ICA1: variants seen among roughly 807,000 people sequenced by gnomAD.
ICA1 encodes 69 kDa islet cell autoantigen.
In ICA1, 40 loss-of-function variants were observed where a neutral mutation model predicts 71.0. That is an observed-to-expected ratio of 0.56 (90% CI 0.44 to 0.73). ICA1 has a LOEUF of 0.73. Ranked by LOEUF, ICA1 falls within the 30% of genes least tolerant of loss-of-function variation. The probability of loss-of-function intolerance (pLI) is 0.00; values close to 1 mark genes in which losing one functional copy is unlikely to be tolerated. For synonymous variants in ICA1, 207 were observed against 209.5 expected (o/e 0.99, Z 0.10); for missense variants, 578 against 576.5 (o/e 1.00, Z -0.03).
Position 8,130,592 on chromosome 7 carries a change from G to A in ICA1, c.1061-2450C>T, listed in dbSNP as rs1175647407. Among the ~76,000 whole-genome samples, 1 of 152,202 alleles carries A rather than the reference G, an allele frequency of 6.6e-6. No homozygotes were observed. Among genetic ancestry groups the A allele is most frequent in the African/African-American group, 2.4e-5 (1 of 41,446 alleles). On this transcript the variant is annotated intron_variant, in intron 12 of 13. Transcript: ENST00000402384. The surrounding 1 kb of genome is among the most constrained non-coding windows in gnomAD (Gnocchi z 4.2). ...ACCTATTCTATTGAAACCAAGTCAA[G>A]TCAATGTGTAGACCCTGGAGGAGCA...
chr7:8,137,705 T>C (rs1210084951), intron 12 of ICA1, among the ~76,000 whole-genome samples: 4 of 152,234 alleles, frequency 2.6e-5, no homozygotes, highest in Admixed American at 2.0e-4. Context: ...CAGTACTGCA[T>C]AGTATGCTAC....
rs73674896 is a variant in ICA1 at position 8,173,513 on chromosome 7, T to G, written c.580-14861A>C. On this transcript the variant is annotated intron_variant, in intron 6 of 13. Coordinates refer to ENST00000402384, the MANE Select transcript of ICA1 (RefSeq NM_001136020.3). This position sits in a 1 kb window ranked among gnomAD's most constrained non-coding sequence, Gnocchi z 4.0. ...AATGCTAATGAACCAATTCAATATT[T>G]TGACAAAGAAAAAGAAACAAACATT... Among the ~76,000 whole-genome samples the G allele has an allele frequency of 0.082, 12,544 of 152,236 alleles. 1,403 individuals are homozygous for G. Among genetic ancestry groups the G allele is most frequent in the African/African-American group, 0.26 (10,592 of 41,514 alleles).
intron 7 of ICA1, 102 bp from the exon 8 acceptor site, chr7:8,157,316 G>A (rs1801976979): frequency 3.5e-6 from 4 of 1,130,154 alleles, no homozygotes; most frequent in Non-Finnish European, 3.7e-6. Context: ...ATTCTTTAAA[G>A]CATGATTCTA....
At chr7:8,236,950 C>T (rs1205929059) in intron 1 of ICA1, 1 of 152,254 alleles carries the variant, frequency 6.6e-6, no homozygotes, top group Non-Finnish European at 1.5e-5. Flanking sequence ...AATCATTCTC[C>T]TTTGGTCTCA....
At chr7:8,165,251 T>G (rs2128218532) in intron 6 of ICA1, among the ~76,000 whole-genome samples, 1 of 152,370 alleles carries the variant, frequency 6.6e-6, no homozygotes. Flanking sequence ...CAATTTATGT[T>G]ACTTCATTTA....
chr7:8,249,256 T>C (rs1807269832), intron 1 of ICA1, among the ~76,000 whole-genome samples: 2 of 152,364 alleles, frequency 1.3e-5, no homozygotes, highest in Non-Finnish European at 1.5e-5. Context: ...AATTAGTCAT[T>C]GCTGGAGAGG....
intron 6 of ICA1, among the ~76,000 whole-genome samples, chr7:8,187,793 C>A (rs1254444451): frequency 6.6e-6 from 1 of 152,132 alleles, no homozygotes; most frequent in African/African-American, 2.4e-5. Flanking sequence ...AAAACTAAGA[C>A]ACACATTAGC....
intron 13 of ICA1, among the ~76,000 whole-genome samples, chr7:8,126,737 A>AAAAACC (rs1789345779): frequency 6.6e-6 from 1 of 152,236 alleles, no homozygotes; most frequent in African/African-American, 2.4e-5. Context: ...AAACAGTTTG[A>AAAAACC]TAATTTCTTA....
At chr7:8,184,565 T>C (rs1585001027) in intron 6 of ICA1, among the ~76,000 whole-genome samples, 1 of 152,334 alleles carries the variant, frequency 6.6e-6, no homozygotes, top group African/African-American at 2.4e-5. Flanking sequence ...CAAGATAGCT[T>C]TCTCTCTTCC....
intron 13 of ICA1, chr7:8,114,798 G>A (rs890449389): frequency 1.3e-5 from 2 of 152,220 alleles, no homozygotes; most frequent in Non-Finnish European, 2.9e-5. Flanking sequence ...TGAAGGCTTT[G>A]TTTAAAATAC....
chr7:8,196,455 A>G (rs76493409), intron 6 of ICA1, among the ~76,000 whole-genome samples: 21 of 152,314 alleles, frequency 1.4e-4, no homozygotes, highest in African/African-American at 5.1e-4. Flanking sequence ...ATTTGTCAAA[A>G]CATAGAATCT....
intron 4 of ICA1, 106 bp from the exon 5 acceptor site, chr7:8,221,504 G>A (rs907359444): frequency 2.4e-5 from 31 of 1,293,298 alleles, no homozygotes; most frequent in South Asian, 1.8e-4. Context: ...AGGCGAAGAC[G>A]AGATGAAATT....
chr7:8,203,302 G>C (rs1223075849), intron 6 of ICA1, among the ~76,000 whole-genome samples: 3 of 152,106 alleles, frequency 2.0e-5, no homozygotes, highest in Non-Finnish European at 4.4e-5. Context: ...AGTGGTTTAA[G>C]TGACTTTTCC....
chr7:8,163,125 T>C (rs1229169042), intron 6 of ICA1, among the ~76,000 whole-genome samples: 1 of 152,176 alleles, frequency 6.6e-6, no homozygotes, highest in African/African-American at 2.4e-5. Flanking sequence ...GCCACAGCAA[T>C]TCAGTTTACC....
At chr7:8,192,365 T>C (rs1255990313) in intron 6 of ICA1, among the ~76,000 whole-genome samples, 1 of 152,184 alleles carries the variant, frequency 6.6e-6, no homozygotes, top group East Asian at 1.9e-4. Flanking sequence ...TCCTCACACT[T>C]AAATTAAGGT....
At chr7:8,232,795 T>G (rs1196372992) in intron 2 of ICA1, 40 bp from the exon 3 acceptor site, 1 of 1,476,920 alleles carries the variant, frequency 6.8e-7, no homozygotes, top group Admixed American at 2.2e-5. Context: ...ACACCTTTCA[T>G]AAAGATTAAG....
chr7:8,219,235 G>A (rs1385061463), intron 5 of ICA1, among the ~76,000 whole-genome samples: 3 of 152,074 alleles, frequency 2.0e-5, no homozygotes, highest in Non-Finnish European at 2.9e-5. Context: ...CTTATCTTGG[G>A]GAAAAACACT....
intron 1 of ICA1, among the ~76,000 whole-genome samples, chr7:8,242,048 G>C (rs1804120043): frequency 6.6e-6 from 1 of 152,072 alleles, no homozygotes; most frequent in Non-Finnish European, 1.5e-5. Context: ...CTTGAACTCA[G>C]CTCTGCACCA....
At chr7:8,219,754 C>T (rs1796489089) in intron 5 of ICA1, among the ~76,000 whole-genome samples, 1 of 152,172 alleles carries the variant, frequency 6.6e-6, no homozygotes, top group Non-Finnish European at 1.5e-5. Flanking sequence ...GTAAAACAAA[C>T]ACTGGTGTGA....
Sources: allele counts gnomAD v4.1 joint callset (sites outside exome capture counted in the v4.1 genomes callset), GRCh38; gene constraint gnomAD v4.1.1; non-coding constraint Gnocchi (gnomAD v3.1); transcripts MANE v1.5; gene names NCBI Gene and HGNC (gene_info 2026-07-23, HGNC 2026-07-21).